The following SETX variants were observed in gnomAD, a reference collection of about 807,000 sequenced individuals.
The protein encoded by SETX is helicase senataxin.
In SETX, 90 loss-of-function variants were observed where a neutral mutation model predicts 227.2. The observed-to-expected ratio is 0.40, with a 90% CI of 0.33 to 0.47. The LOEUF (loss-of-function observed/expected upper bound fraction) is 0.47, where lower values mean the gene tolerates loss of function less well. Among genes scored for constraint, SETX ranks in the 20% least tolerant of loss-of-function variants. The pLI is 0.91. For synonymous variants in SETX, 1,210 were observed against 1,113.2 expected, an observed-to-expected ratio of 1.09 and a Z score of -1.73; for missense variants, 3,052 against 3,181.5, an observed-to-expected ratio of 0.96 and a Z score of 0.98.
intron 11 of SETX, among the ~76,000 whole-genome samples, chr9:132,304,823 C>A (rs973357089): frequency 1.3e-5 from 2 of 151,672 alleles, no homozygotes; most frequent in Non-Finnish European, 2.9e-5. Flanking sequence ...AATGGCAAAT[C>A]CCCATCTCGA....
intron 6 of SETX, among the ~76,000 whole-genome samples, chr9:132,335,478 TA>T (rs112339718): frequency 0.1 from 9,456 of 90,554 alleles, 1,057 homozygotes; most frequent in African/African-American, 0.26. Flanking sequence ...CAGGAAAATT[TA>T]ATTTTTTTTT....
At chr9:132,282,644 G>C (rs7023995) in intron 19 of SETX, 13,584 of 160,354 alleles carry the variant, frequency 0.085, 636 homozygotes, top group South Asian at 0.15. Context: ...GCGTCCATGA[G>C]TGTGTTTCCC....
intron 5 of SETX, among the ~76,000 whole-genome samples, chr9:132,338,937 T>A (rs569762447): frequency 3.8e-4 from 58 of 151,914 alleles, no homozygotes; most frequent in African/African-American, 1.1e-3. Context: ...AAAAAAAAAA[T>A]TTTTTTGTAG....
At position 132,326,919 on chromosome 9, in the gene SETX, T is replaced by G; in HGVS notation, c.4679A>C (p.Asn1560Thr). Residue 1560 changes from asparagine to threonine, a missense_variant, in exon 10 of 26, where the codon AAC (asparagine) becomes ACC (threonine). Asn to Thr is a moderately conservative substitution (Grantham distance 65). Transcript: ENST00000224140. ...GTGTTTTGGGCAGTATTCACCCTGG[T>G]TTTTTGTGGTTTCAAGACAATCTTT... is the stretch of plus-strand genomic sequence containing the variant. ...KYKDCLETTK[N>T]QGEYCPKHSE... 1 of 1,614,160 alleles carries G rather than the reference T, an allele frequency of 6.2e-7. No individual in the cohort carries two copies. The highest frequency in any genetic ancestry group is 1.1e-5 in the South Asian group (1 of 91,086).
chr9:132,331,193 A>AG, intron 8 of SETX, 54 bp from the exon 9 acceptor site: 1 of 1,606,782 alleles, frequency 6.2e-7, no homozygotes, highest in Non-Finnish European at 8.5e-7. Context: ...AAAAAAAGGA[A>AG]GAAACACCTC....
At position 132,346,348 on chromosome 9, in the gene SETX, T is replaced by C. The variant is rs376848704; in HGVS notation, c.301A>G (p.Ile101Val). The C allele has an allele frequency of 2.5e-6, 4 of 1,613,934 alleles. No homozygotes were observed. The highest frequency in any genetic ancestry group is 3.4e-6 in the Non-Finnish European group (4 of 1,179,950). Reference sequence around the variant, plus strand: ...TTATTTTCAAAGTCTTGCCCAGTGATGTCAAACAGTGGCATCTCTCCATTA... The same window carrying C: ...TTATTTTCAAAGTCTTGCCCAGTGACGTCAAACAGTGGCATCTCTCCATTA... ...DNNGEMPLFD[I>V]TGQDFENKLR... The change falls in exon 4 of 26, where the codon ATC becomes GTC. Residue 101 changes from isoleucine (I) to valine (V), a missense_variant. By Grantham distance (29) the Ile-to-Val change is conservative. This residue lies in a region of SETX where 152 missense variants were observed against 156.2 expected (regional missense o/e 0.97). Transcript: ENST00000224140.
intron 10 of SETX, among the ~76,000 whole-genome samples, chr9:132,313,928 TG>T (rs916959791): frequency 6.0e-5 from 6 of 100,620 alleles, no homozygotes; most frequent in African/African-American, 3.4e-4. Flanking sequence ...CCAAGTTTTT[TG>T]GTTTTTTTTT....
chr9:132,322,386 T>G (rs553488880), intron 10 of SETX, among the ~76,000 whole-genome samples: 78 of 151,842 alleles, frequency 5.1e-4, no homozygotes, highest in African/African-American at 1.8e-3. Context: ...CAATCCCAAT[T>G]CCCCCCTCCT....
At chr9:132,296,389 C>A (rs1844669967) in intron 14 of SETX, among the ~76,000 whole-genome samples, 1 of 152,036 alleles carries the variant, frequency 6.6e-6, no homozygotes, top group Admixed American at 6.6e-5. Context: ...CCCATCTCTA[C>A]TAAAAATACA....
chr9:132,319,134 C>T (rs1353664540), intron 10 of SETX, among the ~76,000 whole-genome samples: 1 of 152,170 alleles, frequency 6.6e-6, no homozygotes, highest in Non-Finnish European at 1.5e-5. Context: ...CTTCTTAACT[C>T]CCACATCAGT....
chr9:132,316,323 A>T (rs964687959), intron 10 of SETX, among the ~76,000 whole-genome samples: 1 of 152,196 alleles, frequency 6.6e-6, no homozygotes, highest in Non-Finnish European at 1.5e-5. Context: ...GTCGATTTAC[A>T]AAAGTGCTTT....
At position 132,275,342 on chromosome 9, in the gene SETX, A is replaced by G. The variant is rs765117536; in HGVS notation, c.7014T>C (p.Ser2338=). Residue 2338 remains serine (S), a synonymous_variant, in exon 23 of 26, where the codon AGT becomes AGC. Coordinates refer to ENST00000224140, the MANE Select transcript of SETX (RefSeq NM_015046.7). The stretch of plus-strand genomic sequence containing the variant: ...GAGTTATTATGCCAATGTTTCGAAA[A>G]CTAACATCCTTTCTTTTGTCTTTAA... ...KLIKDKRKDV[S]FRNIGIITHY... 3.1e-6 allele frequency: 5 copies of G among 1,612,836 alleles called. No homozygotes were observed. Among genetic ancestry groups the G allele is most frequent in the Non-Finnish European group, 3.4e-6 (4 of 1,178,890 alleles).
intron 5 of SETX, among the ~76,000 whole-genome samples, chr9:132,340,258 G>C (rs1020819754): frequency 1.3e-5 from 2 of 151,970 alleles, no homozygotes; most frequent in East Asian, 3.9e-4. Flanking sequence ...GTGTAGGTTT[G>C]TTGGTTCTCA....
chr9:132,292,091 T>A (rs1844351515), intron 15 of SETX, among the ~76,000 whole-genome samples: 1 of 152,148 alleles, frequency 6.6e-6, no homozygotes, highest in Non-Finnish European at 1.5e-5. Context: ...AATTTTCTCC[T>A]TATACTTTCC....
chr9:132,347,590 G>A lies in SETX; in HGVS notation c.178-1119C>T, dbSNP rs181626086. On this transcript the variant is annotated intron_variant, in intron 3 of 25. Coordinates refer to ENST00000224140, the MANE Select transcript of SETX (RefSeq NM_015046.7). ...ATCCCAAAGTGCTGGGATTACAGGT[G>A]TAAGCTACAGCACTCAGCCTTAAAC... is the stretch of plus-strand genomic sequence containing the variant. 3.2e-4 allele frequency among the ~76,000 whole-genome samples: 49 copies of A among 151,770 alleles called. No individual in the cohort carries two copies. In the East Asian group the frequency reaches 8.0e-3, roughly 25 times the overall value.
At chr9:132,285,713 C>G (rs890294792) in intron 18 of SETX, among the ~76,000 whole-genome samples, 3 of 150,622 alleles carry the variant, frequency 2.0e-5, no homozygotes, top group African/African-American at 7.5e-5. Flanking sequence ...AACCCCATCT[C>G]TACTAAAAAT....
chr9:132,336,567 C>T (rs765045427), intron 5 of SETX, 52 bp from the exon 6 acceptor site: 248 of 1,265,324 alleles, frequency 2.0e-4, no homozygotes, highest in Non-Finnish European at 2.7e-4. Flanking sequence ...GGTCTACAAA[C>T]AGCAAGAACA....
intron 19 of SETX, chr9:132,283,055 G>C (rs1843632441): frequency 1.6e-6 from 1 of 609,480 alleles, no homozygotes; most frequent in East Asian, 3.0e-5. Flanking sequence ...TCATCCTCAA[G>C]ACTAACCCCC....
upstream of SETX, among the ~76,000 whole-genome samples, chr9:132,355,968 A>C (rs1372486849): frequency 2.3e-5 from 3 of 133,090 alleles, no homozygotes; most frequent in Admixed American, 8.3e-5. Context: ...GCCTGGGCAA[A>C]GGAGCGAGAC....
Sources: gnomAD v4.1 joint callset for allele counts (sites outside exome capture counted in the v4.1 genomes callset) on GRCh38, gnomAD v4.1.1 for gene constraint, gnomAD v4.1.1 regional missense constraint, MANE v1.5 for transcripts, NCBI Gene and HGNC (gene_info 2026-07-23, HGNC 2026-07-21) for gene names.